Variants in SGCZ observed in about 807,000 individuals in gnomAD.
SGCZ encodes the protein zeta-sarcoglycan.
SGCZ carries 40 observed loss-of-function variants against 41.3 expected under a neutral mutation model. The ratio of observed to expected loss-of-function variants is 0.97; its 90% confidence interval spans 0.75 to 1.26. The LOEUF (loss-of-function observed/expected upper bound fraction) is 1.26. Among genes scored for constraint, SGCZ ranks in the 50% most tolerant of loss-of-function variants. The probability of loss-of-function intolerance (pLI) is 0.00; values close to 1 mark genes in which losing one functional copy is unlikely to be tolerated. For missense variants in SGCZ, 552 were observed against 369.8 expected (o/e 1.49, Z -4.04); for synonymous variants, 206 against 137.5 (o/e 1.50, Z -3.49).
At chr8:14,487,706 T>G (rs1048706994) in intron 2 of SGCZ, 1 of 152,268 alleles carries the variant, frequency 6.6e-6, no homozygotes, top group Non-Finnish European at 1.5e-5. Flanking sequence ...AGGGAATTAG[T>G]AATCTCAGAA....
At chr8:15,111,670 G>C (rs543665829) in intron 1 of SGCZ, among the ~76,000 whole-genome samples, 10 of 152,276 alleles carry the variant, frequency 6.6e-5, no homozygotes, top group Non-Finnish European at 1.0e-4. Context: ...GGGAGGCCGA[G>C]GTGGGCGGAT....
chr8:15,147,301 G>A (rs1203129769), intron 1 of SGCZ, among the ~76,000 whole-genome samples: 3 of 151,970 alleles, frequency 2.0e-5, no homozygotes, highest in African/African-American at 4.8e-5. Flanking sequence ...TTTTTGAGAC[G>A]GGCTTTCACT....
At chr8:14,866,452 A>C (rs951625121) in intron 1 of SGCZ, among the ~76,000 whole-genome samples, 1 of 152,074 alleles carries the variant, frequency 6.6e-6, no homozygotes, top group African/African-American at 2.4e-5. Context: ...AGAAAAAAAC[A>C]CACATCTATG....
rs1336850250 is a variant in SGCZ, at chr8:15,125,190, T to G, written c.39+112395A>C. On this transcript the variant is annotated intron_variant, in intron 1 of 7. Coordinates refer to ENST00000382080, the MANE Select transcript of SGCZ (RefSeq NM_139167.4). ...AGTAAAACAAAGGAGATGATCGAAT[T>G]ACAAAATAAAAATAACATTTTACTT... is the stretch of plus-strand genomic sequence containing the variant. 3.3e-5 allele frequency among the ~76,000 whole-genome samples: 5 copies of G among 152,168 alleles called. No homozygotes were observed. In the East Asian group the frequency reaches 9.6e-4, roughly 29 times the overall value.
intron 1 of SGCZ, among the ~76,000 whole-genome samples, chr8:15,190,359 T>C (rs1043365691): frequency 1.3e-5 from 2 of 152,068 alleles, no homozygotes; most frequent in Non-Finnish European, 2.9e-5. Flanking sequence ...CATTCATTCA[T>C]TCATTCATCT....
At chr8:15,217,456 T>C (rs1801444599) in intron 1 of SGCZ, among the ~76,000 whole-genome samples, 1 of 130,524 alleles carries the variant, frequency 7.7e-6, no homozygotes, top group African/African-American at 2.8e-5. Flanking sequence ...AAAATACCTC[T>C]TTTTTTTTTT....
chr8:15,174,931 A>G (rs571330803), intron 1 of SGCZ, among the ~76,000 whole-genome samples: 1 of 151,734 alleles, frequency 6.6e-6, no homozygotes, highest in South Asian at 2.1e-4. Context: ...CATGGAAAAC[A>G]GTGTGGCGAT....
intron 2 of SGCZ, among the ~76,000 whole-genome samples, chr8:14,349,981 C>A (rs946726032): frequency 6.6e-6 from 1 of 151,996 alleles, no homozygotes; most frequent in Admixed American, 6.6e-5. Flanking sequence ...AATTTACTGG[C>A]AAATTAAATC....
At chr8:14,680,964 G>GGAAAAAAAA (rs1808424422) in intron 1 of SGCZ, among the ~76,000 whole-genome samples, 1 of 117,938 alleles carries the variant, frequency 8.5e-6, no homozygotes, top group East Asian at 3.1e-4. Context: ...AAAAGAGTGG[G>GGAAAAAAAA]AAAAAAAAAA....
intron 1 of SGCZ, among the ~76,000 whole-genome samples, chr8:14,895,262 G>C (rs1805153670): frequency 6.6e-6 from 1 of 152,008 alleles, no homozygotes; most frequent in African/African-American, 2.4e-5. Flanking sequence ...ATGTAATCTT[G>C]GGTACATTAC....
At chr8:14,109,405 T>G (rs947123967) in intron 5 of SGCZ, among the ~76,000 whole-genome samples, 8 of 152,174 alleles carry the variant, frequency 5.3e-5, no homozygotes, top group Non-Finnish European at 8.8e-5. Context: ...GAAAATCTTT[T>G]CTGTAATTTT....
intron 1 of SGCZ, among the ~76,000 whole-genome samples, chr8:14,864,500 G>T (rs2130687536): frequency 6.6e-6 from 1 of 152,094 alleles, no homozygotes; most frequent in East Asian, 1.9e-4. Flanking sequence ...TAACTTCTTT[G>T]GAATAAATTA....
At chr8:15,187,850 C>T (rs1415206204) in intron 1 of SGCZ, among the ~76,000 whole-genome samples, 2 of 151,752 alleles carry the variant, frequency 1.3e-5, no homozygotes. Flanking sequence ...TCCAAGTAAA[C>T]TATGTGAATT....
intron 2 of SGCZ, among the ~76,000 whole-genome samples, chr8:14,487,337 AAAT>A (rs1801703074): frequency 6.6e-6 from 1 of 152,238 alleles, no homozygotes. Context: ...GATTTTTAAA[AAAT>A]AATAATATTT....
chr8:15,041,986 G>A (rs1804115681), intron 1 of SGCZ, among the ~76,000 whole-genome samples: 1 of 152,014 alleles, frequency 6.6e-6, no homozygotes. Context: ...AAAGGCTAAA[G>A]GAAGAAAATG....
intron 1 of SGCZ, among the ~76,000 whole-genome samples, chr8:14,721,663 T>A (rs189684730): frequency 6.6e-6 from 1 of 152,362 alleles, no homozygotes; most frequent in South Asian, 2.1e-4. Context: ...TTTGTCACCC[T>A]ATTTCTGTCC....
At chr8:14,201,066 T>C (rs1267431319) in intron 4 of SGCZ, among the ~76,000 whole-genome samples, 2 of 152,042 alleles carry the variant, frequency 1.3e-5, no homozygotes, top group African/African-American at 4.8e-5. Context: ...ATTAGGAAAA[T>C]GACAATTAAA....
chr8:14,243,833 T>C (rs1279430119), intron 3 of SGCZ, among the ~76,000 whole-genome samples: 1 of 152,174 alleles, frequency 6.6e-6, no homozygotes, highest in Non-Finnish European at 1.5e-5. Context: ...CCTCAGTCAG[T>C]GTTGACATCG....
chr8:15,019,906 G>C, intron 1 of SGCZ, among the ~76,000 whole-genome samples: 1 of 150,210 alleles, frequency 6.7e-6, no homozygotes, highest in East Asian at 1.9e-4. Context: ...GTCTCATGCA[G>C]ATTAGCTTTG....
Sources: allele counts gnomAD v4.1 joint callset (sites outside exome capture counted in the v4.1 genomes callset), GRCh38; gene constraint gnomAD v4.1.1; transcripts MANE v1.5; gene names NCBI Gene and HGNC (gene_info 2026-07-23, HGNC 2026-07-21).